Variants in EPM2A observed in about 807,000 individuals in gnomAD.
EPM2A encodes the protein laforin.
Under a neutral mutation model 26.5 loss-of-function variants are expected in EPM2A, and 21 were observed. The observed-to-expected ratio is 0.79, with a 90% CI of 0.56 to 1.14. The LOEUF (loss-of-function observed/expected upper bound fraction) is 1.14, where lower values mean the gene tolerates loss of function less well. Ranked by LOEUF, EPM2A falls within the 50% of genes most tolerant of loss-of-function variation. The pLI is 0.00. For synonymous variants in EPM2A, 217 were observed against 177.6 expected (o/e 1.22, Z -1.76); for missense variants, 458 against 440.8 (o/e 1.04, Z -0.35).
At chr6:145,640,988 A>G (rs1777044834) in intron 2 of EPM2A, 1 of 152,190 alleles carries the variant, frequency 6.6e-6, no homozygotes, top group Admixed American at 6.6e-5. Flanking sequence ...ATAGTTTTTT[A>G]TGAGTCATAC....
intron 2 of EPM2A, among the ~76,000 whole-genome samples, chr6:145,660,670 C>T (rs919762743): frequency 1.3e-5 from 2 of 152,016 alleles, no homozygotes; most frequent in African/African-American, 2.4e-5. Flanking sequence ...GGCATGGTGG[C>T]GCATGCCTGT....
At chr6:145,415,526 A>T (rs1163528768) in intron 4 of EPM2A, among the ~76,000 whole-genome samples, 1 of 152,078 alleles carries the variant, frequency 6.6e-6, no homozygotes, top group East Asian at 1.9e-4. Flanking sequence ...TCTGTGCCTG[A>T]CATTTTGCTT....
At chr6:145,479,464 T>C (rs1389086537) in intron 4 of EPM2A, among the ~76,000 whole-genome samples, 3 of 151,790 alleles carry the variant, frequency 2.0e-5, no homozygotes, top group Admixed American at 6.6e-5. Flanking sequence ...TAACCTCTTA[T>C]CTACTTTATG....
intron 4 of EPM2A, among the ~76,000 whole-genome samples, chr6:145,385,516 A>C (rs2114652466): frequency 6.6e-6 from 1 of 152,286 alleles, no homozygotes; most frequent in East Asian, 1.9e-4. Context: ...AAGTTACCAA[A>C]TCTGGTTGTG....
intron 2 of EPM2A, among the ~76,000 whole-genome samples, chr6:145,662,849 T>C (rs1387123242): frequency 6.6e-6 from 1 of 152,198 alleles, no homozygotes; most frequent in Non-Finnish European, 1.5e-5. Context: ...AGTGCTTATA[T>C]AGGCCCTTTT....
Position 145,626,947 on chromosome 6 carries a change from T to A in EPM2A, c.*469A>T, listed in dbSNP as rs1433257239. ...TAGTGAGCTCTTCTTTTGTAACGGT[T>A]CAGGCTTCTAACCTTATTTCCTCCT... On this transcript the variant is annotated 3_prime_UTR_variant, in exon 4 of 4. Coordinates refer to ENST00000367519, the MANE Select transcript of EPM2A (RefSeq NM_005670.4). The A allele has an allele frequency of 9.7e-7, 1 of 1,031,200 alleles. No homozygotes were observed. Among genetic ancestry groups the A allele is most frequent in the Non-Finnish European group, 1.2e-6 (1 of 857,032 alleles). 63.9% of individuals were successfully genotyped at this position (1,031,200 alleles called of 1,614,324 possible).
At chr6:145,534,755 T>C (rs550449364) in intron 2 of EPM2A, among the ~76,000 whole-genome samples, 2 of 152,188 alleles carry the variant, frequency 1.3e-5, no homozygotes, top group Non-Finnish European at 2.9e-5. Context: ...TGTACCTCAT[T>C]TGTGATCTTG....
intron 2 of EPM2A, among the ~76,000 whole-genome samples, chr6:145,607,640 T>A (rs539666275): frequency 6.6e-6 from 1 of 152,036 alleles, no homozygotes; most frequent in East Asian, 1.9e-4. Flanking sequence ...AAAAATGAAA[T>A]TTGGTCTTGC....
rs147764658 is a variant in EPM2A, at chr6:145,702,613, T to C, written c.302-16317A>G. ...ACAACCAGTAACAGCTCTTAACTAT[T>C]ACCTTACACCTCTTCCAGTCCTCCT... On this transcript the variant is annotated intron_variant, in intron 1 of 3. Coordinates refer to ENST00000367519, the MANE Select transcript of EPM2A (RefSeq NM_005670.4). Among the ~76,000 whole-genome samples, 37 of 152,344 alleles carry C rather than the reference T, an allele frequency of 2.4e-4. No homozygotes were observed. In the East Asian group the frequency reaches 6.4e-3, roughly 26 times the overall value.
At chr6:145,713,665 G>A (rs1775461651) in intron 1 of EPM2A, among the ~76,000 whole-genome samples, 1 of 152,134 alleles carries the variant, frequency 6.6e-6, no homozygotes, top group Admixed American at 6.5e-5. Flanking sequence ...AAACAGTCTG[G>A]AATTTCCTCA....
At chr6:145,585,399 T>C (rs1781180000) in intron 2 of EPM2A, among the ~76,000 whole-genome samples, 1 of 152,174 alleles carries the variant, frequency 6.6e-6, no homozygotes, top group Non-Finnish European at 1.5e-5. Flanking sequence ...CTCAGTAATG[T>C]TCATTTCTTT....
chr6:145,520,082 T>TCCCC (rs1780183146), intron 2 of EPM2A, among the ~76,000 whole-genome samples: 1 of 152,148 alleles, frequency 6.6e-6, no homozygotes, highest in South Asian at 2.1e-4. Flanking sequence ...AAATTCCACA[T>TCCCC]CCCCCATTGA....
chr6:145,411,759 G>A (rs897488289), intron 4 of EPM2A, among the ~76,000 whole-genome samples: 6 of 152,136 alleles, frequency 3.9e-5, no homozygotes, highest in African/African-American at 7.2e-5. Flanking sequence ...CTCAAAGAGC[G>A]TAAGAACATC....
chr6:145,579,814 AT>A (rs1781088287), intron 2 of EPM2A, among the ~76,000 whole-genome samples: 1 of 151,702 alleles, frequency 6.6e-6, no homozygotes, highest in Non-Finnish European at 1.5e-5. Flanking sequence ...TTTTATTTGC[AT>A]TCTGTCTTCT....
intron 4 of EPM2A, among the ~76,000 whole-genome samples, chr6:145,441,330 C>T (rs539511269): frequency 6.6e-6 from 1 of 152,308 alleles, no homozygotes; most frequent in East Asian, 1.9e-4. Context: ...TGGGCCCTAG[C>T]CCACTAAACC....
In EPM2A at chr6:145,676,854, A is replaced by C. The variant is rs576752759; in HGVS notation, c.476+9268T>G. Reference sequence around the variant, plus strand: ...CAGCCAAATTCTATGAGAGGTACAAAGAGGAGCTGGTATCATTCCTTCTGA... The same window carrying C: ...CAGCCAAATTCTATGAGAGGTACAACGAGGAGCTGGTATCATTCCTTCTGA... On this transcript the variant is annotated intron_variant, in intron 2 of 3. Transcript: ENST00000367519. Among the ~76,000 whole-genome samples the C allele has an allele frequency of 2.6e-5, 4 of 152,284 alleles. No individual in the cohort carries two copies. In the East Asian group the frequency reaches 5.8e-4, roughly 22 times the overall value.
intron 2 of EPM2A, among the ~76,000 whole-genome samples, chr6:145,660,323 A>T (rs1210387523): frequency 6.6e-6 from 1 of 152,224 alleles, no homozygotes; most frequent in Non-Finnish European, 1.5e-5. Context: ...TGATAAAAGC[A>T]AATACCATTT....
chr6:145,415,048 C>G (rs1429463499), intron 4 of EPM2A, among the ~76,000 whole-genome samples: 1 of 152,184 alleles, frequency 6.6e-6, no homozygotes, highest in Non-Finnish European at 1.5e-5. Flanking sequence ...TTTGTCAAAA[C>G]TGGATCATGC....
At chr6:145,505,012 GC>G (rs1011032986) in intron 2 of EPM2A, among the ~76,000 whole-genome samples, 6 of 119,902 alleles carry the variant, frequency 5.0e-5, no homozygotes, top group Admixed American at 1.7e-4. Context: ...ACCAAACACC[GC>G]ATATTCTCAC....
Sources: gnomAD v4.1 joint callset for allele counts (sites outside exome capture counted in the v4.1 genomes callset) on GRCh38, gnomAD v4.1.1 for gene constraint, MANE v1.5 for transcripts, NCBI Gene and HGNC (gene_info 2026-07-23, HGNC 2026-07-21) for gene names.